Variants in ADAMTSL1 observed in about 807,000 individuals in gnomAD.
ADAMTSL1 encodes ADAMTS-like protein 1.
In ADAMTSL1, 126 loss-of-function variants were observed where a neutral mutation model predicts 201.8. The observed-to-expected ratio is 0.62, with a 90% CI of 0.54 to 0.72. The LOEUF is 0.72. ADAMTSL1 is among the 30% of genes least tolerant of loss of function. The pLI is 0.00. For missense variants in ADAMTSL1, 2,679 were observed against 2,277.8 expected (o/e 1.18, Z -3.59); for synonymous variants, 1,121 against 903.4 (o/e 1.24, Z -4.32).
chr9:17,960,927 G>A (rs181986202), intron 1 of ADAMTSL1, among the ~76,000 whole-genome samples: 1 of 152,188 alleles, frequency 6.6e-6, no homozygotes, highest in Admixed American at 6.5e-5. Context: ...CTAAATTAAT[G>A]TGATTCTGGT....
At chr9:18,661,873 A>T (rs1161279749) in intron 8 of ADAMTSL1, 62 bp from the exon 9 acceptor site, 1 of 1,529,916 alleles carries the variant, frequency 6.5e-7, no homozygotes, top group Non-Finnish European at 8.8e-7. Flanking sequence ...GCCAAAATGC[A>T]TAAAGAAATA....
At chr9:18,679,842 A>G (rs1474734962) in intron 10 of ADAMTSL1, among the ~76,000 whole-genome samples, 7 of 149,070 alleles carry the variant, frequency 4.7e-5, no homozygotes, top group Non-Finnish European at 1.0e-4. Flanking sequence ...TAAAAAAAAT[A>G]CCTAGAAGTT....
rs1378768984 is a variant in ADAMTSL1, at chr9:18,549,951, C to G, written c.237+16659C>G. On this transcript the variant is annotated intron_variant, in intron 3 of 28. Coordinates refer to ENST00000380548, the MANE Select transcript of ADAMTSL1 (RefSeq NM_001040272.6). ...AGTTTAACAAGATCTCCAGGTGACT[C>G]GTATGCACATTAAAGGCTGAGAAGC... 2.0e-5 allele frequency among the ~76,000 whole-genome samples: 3 copies of G among 152,044 alleles called. No homozygotes were observed. In the East Asian group the frequency reaches 5.8e-4, roughly 29 times the overall value.
chr9:18,463,623 A>G (rs540277517), intron 2 of ADAMTSL1, among the ~76,000 whole-genome samples: 19 of 152,300 alleles, frequency 1.2e-4, no homozygotes, highest in African/African-American at 4.3e-4. Flanking sequence ...AGGTACCTCA[A>G]ATAAGTAGAA....
chr9:18,710,666 G>T (rs2779123), intron 14 of ADAMTSL1, among the ~76,000 whole-genome samples: 63,121 of 91,468 alleles, frequency 0.69, 19,406 homozygotes, highest in South Asian at 0.78. Context: ...CCTAAGTTTT[G>T]TTTTGTTTTT....
intron 2 of ADAMTSL1, among the ~76,000 whole-genome samples, chr9:18,316,348 A>G (rs1430930213): frequency 6.6e-6 from 1 of 152,110 alleles, no homozygotes; most frequent in East Asian, 1.9e-4. Context: ...CCTCTTCCTA[A>G]TAAGCCTGGG....
intron 21 of ADAMTSL1, among the ~76,000 whole-genome samples, chr9:18,822,613 T>C (rs1015539847): frequency 6.6e-6 from 1 of 152,168 alleles, no homozygotes; most frequent in African/African-American, 2.4e-5. Context: ...TTTTCTGATG[T>C]AATGATGTAA....
intron 3 of ADAMTSL1, among the ~76,000 whole-genome samples, chr9:18,548,265 C>T (rs1225589974): frequency 6.6e-6 from 1 of 152,052 alleles, no homozygotes; most frequent in Non-Finnish European, 1.5e-5. Context: ...CTCTGCCTTC[C>T]TGTTTGAGCT....
chr9:18,167,598 G>T (rs996314049), intron 2 of ADAMTSL1, among the ~76,000 whole-genome samples: 5 of 151,994 alleles, frequency 3.3e-5, no homozygotes, highest in Non-Finnish European at 2.9e-5. Flanking sequence ...TTAGTTGGCT[G>T]CAAGGCAGGT....
chr9:18,766,130 C>G (rs536677844), intron 16 of ADAMTSL1, among the ~76,000 whole-genome samples: 5 of 152,302 alleles, frequency 3.3e-5, no homozygotes, highest in African/African-American at 1.2e-4. Context: ...GTGTACAACG[C>G]TTCTCTTGCT....
intron 2 of ADAMTSL1, among the ~76,000 whole-genome samples, chr9:18,417,383 A>G (rs747229675): frequency 0.014 from 1,783 of 123,022 alleles, 26 homozygotes; most frequent in African/African-American, 0.042. Flanking sequence ...AAAAAAAAAG[A>G]AAAAAAAAAC....
chr9:18,344,740 G>T (rs1181930525), intron 2 of ADAMTSL1, among the ~76,000 whole-genome samples: 1 of 152,188 alleles, frequency 6.6e-6, no homozygotes. Context: ...TACAGGGCTG[G>T]GAAAATGAAC....
chr9:18,151,991 A>G (rs1826937590), intron 1 of ADAMTSL1, among the ~76,000 whole-genome samples: 1 of 152,096 alleles, frequency 6.6e-6, no homozygotes, highest in Admixed American at 6.6e-5. Flanking sequence ...CATACTGTGA[A>G]AAGAAATCCC....
intron 2 of ADAMTSL1, among the ~76,000 whole-genome samples, chr9:18,332,471 G>C (rs910092300): frequency 6.6e-6 from 1 of 151,770 alleles, no homozygotes; most frequent in Non-Finnish European, 1.5e-5. Flanking sequence ...TTTTTTTAGA[G>C]ACAAAATCCT....
intron 1 of ADAMTSL1, among the ~76,000 whole-genome samples, chr9:18,157,026 G>A (rs1827186768): frequency 6.6e-6 from 1 of 151,982 alleles, no homozygotes; most frequent in South Asian, 2.1e-4. Flanking sequence ...CAAAACCCAT[G>A]TTCTCTCTAC....
intron 1 of ADAMTSL1, among the ~76,000 whole-genome samples, chr9:18,492,597 C>T (rs773770009): frequency 6.6e-6 from 1 of 152,110 alleles, no homozygotes; most frequent in Non-Finnish European, 1.5e-5. Context: ...TTGCACTGCA[C>T]AACGTTTTTT....
chr9:18,639,152 G>T lies in ADAMTSL1; in HGVS notation c.677-102G>T, dbSNP rs937736295. On this transcript the variant is annotated intron_variant, in intron 6 of 28. Coordinates refer to ENST00000380548, the MANE Select transcript of ADAMTSL1 (RefSeq NM_001040272.6). ...TTTTGTCAGCTATATAAAGAATGAT[G>T]TGTCTCCCTTACCTAGCTCTAAACA... The T allele has an allele frequency of 1.3e-5, 14 of 1,110,348 alleles. No individual in the cohort carries two copies. In the African/African-American group the frequency reaches 1.7e-4, roughly 14 times the overall value. The allele number at this position is 1,110,348 out of a possible 1,614,324, so 68.8% of individuals were successfully genotyped here.
intron 2 of ADAMTSL1, among the ~76,000 whole-genome samples, chr9:18,240,552 A>G (rs1831022492): frequency 1.3e-5 from 2 of 152,148 alleles, no homozygotes; most frequent in South Asian, 2.1e-4. Context: ...CTATTAACCC[A>G]TAACAAGAGA....
intron 2 of ADAMTSL1, among the ~76,000 whole-genome samples, chr9:18,236,392 T>C (rs1382420721): frequency 6.6e-6 from 1 of 152,218 alleles, no homozygotes; most frequent in East Asian, 1.9e-4. Flanking sequence ...GAGTTTTGAC[T>C]GTGCCACTGA....
Sources: gnomAD v4.1 joint callset for allele counts (sites outside exome capture counted in the v4.1 genomes callset) on GRCh38, gnomAD v4.1.1 for gene constraint, MANE v1.5 for transcripts, NCBI Gene and HGNC (gene_info 2026-07-23, HGNC 2026-07-21) for gene names.